DDX42: variants seen among roughly 807,000 people sequenced by gnomAD.
The protein encoded by DDX42 is DEAD-box helicase 42.
Under a neutral mutation model 101.5 loss-of-function variants are expected in DDX42, and 22 were observed. The observed-to-expected ratio is 0.22, with a 90% CI of 0.15 to 0.31. The LOEUF (loss-of-function observed/expected upper bound fraction) is 0.31, where lower values mean the gene tolerates loss of function less well. DDX42 is among the 10% of genes least tolerant of loss of function. DDX42 has a pLI of 1.00. For missense variants in DDX42, 849 were observed against 1,199.9 expected (o/e 0.71, Z 4.32); for synonymous variants, 402 against 401.2 (o/e 1.00, Z -0.02).
At chr17:63,804,158 T>G (rs2039809553) in intron 6 of DDX42, among the ~76,000 whole-genome samples, 1 of 152,024 alleles carries the variant, frequency 6.6e-6, no homozygotes, top group South Asian at 2.1e-4. Flanking sequence ...AAAAATAAGT[T>G]TAAGAACCAG....
chr17:63,776,051 T>TCTA (rs1224207897), intron 1 of DDX42: 1 of 152,198 alleles, frequency 6.6e-6, no homozygotes, highest in Non-Finnish European at 1.5e-5. Flanking sequence ...CTGTATATAG[T>TCTA]GTGTGAGGTA....
At position 63,787,905 on chromosome 17, in the gene DDX42, G is replaced by GT. The variant is rs780070919; in HGVS notation, c.221+652dup. 4.8e-3 allele frequency among the ~76,000 whole-genome samples: 522 copies of GT among 107,864 alleles called. 11 individuals carry two copies. The highest frequency in any genetic ancestry group is 0.019 in the Middle Eastern group (4 of 210). The allele number at this position is 107,864 out of a possible 152,430, so 70.8% of individuals were successfully genotyped here. A position where few individuals can be genotyped will look rare whatever the true frequency, so the allele number is the denominator to read the frequency against. ...TGAAGAGTTTTATATAATTCATGTG[G>GT]TTTTTTTTTTTTTTTTTGGAGGCAG... is the stretch of plus-strand genomic sequence containing the variant. On this transcript the variant is annotated intron_variant, in intron 2 of 17. Coordinates refer to ENST00000389924, the MANE Select transcript of DDX42 (RefSeq NM_203499.3).
intron 11 of DDX42, among the ~76,000 whole-genome samples, chr17:63,809,929 A>G (rs575270527): frequency 9.9e-5 from 15 of 152,282 alleles, no homozygotes; most frequent in African/African-American, 3.4e-4. Flanking sequence ...GCCTTTGATC[A>G]TAGAGGTTAA....
At chr17:63,807,049 A>G (rs2039850153) in intron 8 of DDX42, among the ~76,000 whole-genome samples, 1 of 152,222 alleles carries the variant, frequency 6.6e-6, no homozygotes, top group African/African-American at 2.4e-5. Flanking sequence ...TTTTCTGTAT[A>G]TGAATGAGAT....
intron 1 of DDX42, among the ~76,000 whole-genome samples, chr17:63,779,160 A>T (rs1460484189): frequency 6.6e-6 from 1 of 152,210 alleles, no homozygotes; most frequent in African/African-American, 2.4e-5. Flanking sequence ...GTTCTTTTTT[A>T]AATTTTTATT....
Position 63,815,688 on chromosome 17 carries a change from C to T in DDX42, c.2013+15C>T, listed in dbSNP as rs2039968844. ...CTGAGAACATGGTGAGTCTAGACTA[C>T]TACAGTAGTGCCTTTATAGTTGGTC... On this transcript the variant is annotated intron_variant, in intron 16 of 17. Coordinates refer to ENST00000389924, the MANE Select transcript of DDX42 (RefSeq NM_203499.3). 1 of 1,549,616 alleles carries T rather than the reference C, an allele frequency of 6.5e-7. No individual in the cohort carries two copies. Among genetic ancestry groups the T allele is most frequent in the Admixed American group, 1.7e-5 (1 of 57,516 alleles).
chr17:63,777,465 T>TG (rs2039434681), intron 1 of DDX42, among the ~76,000 whole-genome samples: 1 of 151,142 alleles, frequency 6.6e-6, no homozygotes, highest in Non-Finnish European at 1.5e-5. Context: ...TTTTTTTTTT[T>TG]GAGACGGAGT....
intron 6 of DDX42, among the ~76,000 whole-genome samples, chr17:63,802,650 C>T (rs545282227): frequency 3.9e-5 from 6 of 152,204 alleles, no homozygotes; most frequent in African/African-American, 1.4e-4. Flanking sequence ...GTGGCTCATG[C>T]CTGTAATCCC....
intron 2 of DDX42, among the ~76,000 whole-genome samples, chr17:63,790,696 G>A (rs764307334): frequency 3.3e-5 from 5 of 152,160 alleles, no homozygotes; most frequent in Non-Finnish European, 7.4e-5. Flanking sequence ...GGAGGCAGAG[G>A]CTGCACTGAG....
chr17:63,798,444 T>G (rs955755595), intron 4 of DDX42, among the ~76,000 whole-genome samples: 1 of 152,214 alleles, frequency 6.6e-6, no homozygotes, highest in African/African-American at 2.4e-5. Flanking sequence ...AAAATAGGTT[T>G]ATGCCTATAT....
chr17:63,805,245 C>G, intron 7 of DDX42, 70 bp downstream of exon 7: 1 of 1,531,214 alleles, frequency 6.5e-7, no homozygotes, highest in Non-Finnish European at 8.8e-7. Flanking sequence ...TATTGGTTAT[C>G]TAAACTAATA....
intron 7 of DDX42, 84 bp from the exon 8 acceptor site, chr17:63,806,451 C>T: frequency 7.1e-7 from 1 of 1,405,970 alleles, no homozygotes; most frequent in Non-Finnish European, 9.4e-7. Context: ...AGCTAAAATG[C>T]TAGATCCAGG....
At position 63,818,109 on chromosome 17, in the gene DDX42, G is replaced by T; in HGVS notation, c.2528G>T (p.Gly843Val). 6.2e-7 allele frequency: 1 copy of T among 1,613,948 alleles called. No individual in the cohort carries two copies. The highest frequency in any genetic ancestry group is 1.1e-5 in the South Asian group (1 of 91,066). ...RHGDGGRHGD[G>V]YRHPESSSRH... ...GGAGATGGTGGTCGCCATGGAGATG[G>T]ATACCGCCATCCAGAAAGCAGCAGC... Residue 843 changes from glycine (G) to valine (V), a missense_variant, in exon 18 of 18, where the codon GGA becomes GTA. Physicochemically the swap from Gly to Val is moderately radical, Grantham distance 109 (BLOSUM62 -3). Transcript: ENST00000389924.
chr17:63,793,652 A>G (rs377068657), intron 3 of DDX42, among the ~76,000 whole-genome samples: 14 of 152,240 alleles, frequency 9.2e-5, no homozygotes, highest in African/African-American at 3.4e-4. Context: ...ACAAATTACA[A>G]CCACCATGTT....
intron 2 of DDX42, among the ~76,000 whole-genome samples, chr17:63,787,905 GT>G (rs780070919): frequency 8.3e-4 from 90 of 107,860 alleles, no homozygotes; most frequent in South Asian, 4.7e-3. Context: ...AATTCATGTG[GT>G]TTTTTTTTTT....
Position 63,815,628 on chromosome 17 carries a change from A to C in DDX42, c.1968A>C (p.Gly656=), listed in dbSNP as rs151022218. The C allele has an allele frequency of 1.1e-5, 17 of 1,613,896 alleles. No homozygotes were observed. The highest frequency in any genetic ancestry group is 8.0e-5 in the African/African-American group (6 of 74,916). ...GKGKKLNIGG[G]GLGYRERPGL... is the part of the protein sequence containing the mutation. ...GAAAAAAGCTGAACATTGGTGGAGG[A>C]GGCCTAGGCTACAGGGAGCGGCCTG... Residue 656 remains glycine (G), a synonymous_variant, in exon 16 of 18, where the codon GGA becomes GGC. Transcript: ENST00000389924.
At chr17:63,798,728 T>C (rs2039724153) in intron 4 of DDX42, among the ~76,000 whole-genome samples, 1 of 152,230 alleles carries the variant, frequency 6.6e-6, no homozygotes, top group African/African-American at 2.4e-5. Context: ...CTCTTTGCCT[T>C]GATGAATAAA....
rs759710275 is a variant in DDX42, at chr17:63,817,650, G to C, written c.2113-44G>C. 1.9e-6 allele frequency: 3 copies of C among 1,578,050 alleles called. No individual in the cohort carries two copies. The African/African-American group carries it at 4.1e-5, about 21-fold the overall frequency. ...GCCAAGTTGTATATTCAAGTTTCTT[G>C]AACTTGCTATCTTACCTACTCCTGA... On this transcript the variant is annotated intron_variant, in intron 17 of 17. Coordinates refer to ENST00000389924, the MANE Select transcript of DDX42 (RefSeq NM_203499.3).
rs1299661687 is a variant in DDX42, at chr17:63,817,982, G to A, written c.2401G>A (p.Gly801Arg). Residue 801 changes from glycine (G) to arginine (R), a missense_variant, in exon 18 of 18, where the codon GGG becomes AGG. Transcript: ENST00000389924. The part of the protein sequence containing the change: ...ASGNNSREGT[G>R]GSNGKRERYT... ...AGGGAATAACAGCCGAGAAGGGACT[G>A]GGGGCAGCAACGGGAAAAGAGAGAG... is the stretch of plus-strand genomic sequence containing the variant. 1 of 1,614,192 alleles carries A rather than the reference G, an allele frequency of 6.2e-7. No homozygotes were observed. The highest frequency in any genetic ancestry group is 2.2e-5 in the East Asian group (1 of 44,884).
Sources: gnomAD v4.1 joint callset for allele counts (sites outside exome capture counted in the v4.1 genomes callset) on GRCh38, gnomAD v4.1.1 for gene constraint, MANE v1.5 for transcripts, NCBI Gene and HGNC (gene_info 2026-07-23, HGNC 2026-07-21) for gene names.